Variants in RIMKLB observed in about 807,000 individuals in gnomAD.
RIMKLB encodes ribosomal modification protein rimK like family member B, also known as beta-citrylglutamate synthase B.
RIMKLB carries 7 observed loss-of-function variants against 32.0 expected under a neutral mutation model. That is an observed-to-expected ratio of 0.22 (90% CI 0.12 to 0.41). The LOEUF is 0.41. Ranked by LOEUF, RIMKLB falls within the 10% of genes least tolerant of loss-of-function variation. The probability of loss-of-function intolerance (pLI) is 1.00; values close to 1 mark genes in which losing one functional copy is unlikely to be tolerated. For synonymous variants in RIMKLB, 172 were observed against 185.1 expected (o/e 0.93, Z 0.57); for missense variants, 289 against 498.7 (o/e 0.58, Z 4.00).
At position 8,750,779 on chromosome 12, in the gene RIMKLB, A is replaced by G. The variant is rs142254494; in HGVS notation, c.406+687A>G. ...TAACAGTAGTGAACAAGTCCTATCC[A>G]GGCATAGGTTACAGGACCACATTCT... On this transcript the variant is annotated intron_variant, in intron 3 of 5. Transcript: ENST00000535829. 2.0e-3 allele frequency among the ~76,000 whole-genome samples: 298 copies of G among 152,324 alleles called. 1 individual carries two copies. The highest frequency in any genetic ancestry group is 6.9e-3 in the African/African-American group (286 of 41,570).
chr12:8,765,000 C>T (rs760769961), intron 5 of RIMKLB, among the ~76,000 whole-genome samples: 2 of 150,452 alleles, frequency 1.3e-5, no homozygotes, highest in Admixed American at 6.7e-5. Context: ...TATAAAAAAC[C>T]GAGATTGCCA....
At chr12:8,671,497 G>T in the RIMKLB span, among the ~76,000 whole-genome samples, 1 of 152,098 alleles carries the variant, frequency 6.6e-6, no homozygotes, top group Admixed American at 6.5e-5. Flanking sequence ...TGATCTGCCC[G>T]CCTCGGCCTT....
At chr12:8,690,531 G>A (rs1942702872) in intron 1 of RIMKLB, among the ~76,000 whole-genome samples, 1 of 152,190 alleles carries the variant, frequency 6.6e-6, no homozygotes, top group Admixed American at 6.5e-5. Flanking sequence ...CATGTACTTT[G>A]CTACTCGGAT....
At chr12:8,696,881 G>A (rs752106486), upstream of RIMKLB, among the ~76,000 whole-genome samples, 8 of 152,264 alleles carry the variant, frequency 5.3e-5, no homozygotes, top group South Asian at 1.5e-3. Context: ...GCACATTACC[G>A]TACCTCACAC....
chr12:8,739,765 A>G (rs1249690759), intron 2 of RIMKLB, among the ~76,000 whole-genome samples: 1 of 152,226 alleles, frequency 6.6e-6, no homozygotes, highest in South Asian at 2.1e-4. Context: ...GAGCCACCAC[A>G]CTTGGCTTCT....
Position 8,751,950 on chromosome 12 carries a change from A to C in RIMKLB, c.407-7A>C. On this transcript the variant is annotated splice_region_variant and splice_polypyrimidine_tract_variant and intron_variant, in intron 3 of 5. Transcript: ENST00000535829. ...TTTGTCTTAAATTTTTGTATTGCTC[A>C]AACCAGGTGGCCACGAAAATTTTGC... The C allele has an allele frequency of 6.2e-7, 1 of 1,603,594 alleles. No homozygotes were observed. Among genetic ancestry groups the C allele is most frequent in the Non-Finnish European group, 8.5e-7 (1 of 1,170,920 alleles).
chr12:8,726,974 C>A (rs761960389), intron 2 of RIMKLB, among the ~76,000 whole-genome samples: 1 of 152,178 alleles, frequency 6.6e-6, no homozygotes, highest in Non-Finnish European at 1.5e-5. Flanking sequence ...ATTTATGTAG[C>A]TTTTTAAAGT....
chr12:8,782,267 T>TTTATTTTGTA (rs760526197), intron 7 of RIMKLB, among the ~76,000 whole-genome samples: 6 of 152,150 alleles, frequency 3.9e-5, no homozygotes, highest in Non-Finnish European at 8.8e-5. Flanking sequence ...ATAATTTTGT[T>TTTATTTTGTA]TTATTTTGTA....
At chr12:8,744,993 C>G (rs1471671764) in intron 2 of RIMKLB, among the ~76,000 whole-genome samples, 1 of 151,922 alleles carries the variant, frequency 6.6e-6, no homozygotes, top group Non-Finnish European at 1.5e-5. Flanking sequence ...TATCCCTCCC[C>G]CAGCCCCTCA....
intron 1 of RIMKLB, among the ~76,000 whole-genome samples, chr12:8,692,071 T>G (rs1189148677): frequency 6.6e-6 from 1 of 152,182 alleles, no homozygotes; most frequent in Admixed American, 6.5e-5. Context: ...AATGTGCCTT[T>G]CCATATTTTC....
chr12:8,775,579 G>A lies in RIMKLB; in HGVS notation c.*1795G>A. 1 of 985,718 alleles carries A rather than the reference G, an allele frequency of 1.0e-6. No homozygotes were observed. The highest frequency in any genetic ancestry group is 1.2e-6 in the Non-Finnish European group (1 of 829,858). 61.1% of individuals were successfully genotyped at this position (985,718 alleles called of 1,614,324 possible). On this transcript the variant is annotated 3_prime_UTR_variant, in exon 6 of 6. Transcript: ENST00000535829. Reference sequence around the variant, plus strand: ...ACATAATTTCTTGGACACTACTAGAGAGACTTCGAGGCAATAATAAAAGAT... The same window carrying A: ...ACATAATTTCTTGGACACTACTAGAAAGACTTCGAGGCAATAATAAAAGAT...
At chr12:8,733,808 C>G (rs1161367346) in intron 2 of RIMKLB, among the ~76,000 whole-genome samples, 2 of 152,144 alleles carry the variant, frequency 1.3e-5, no homozygotes, top group African/African-American at 2.4e-5. Flanking sequence ...TGATTGAGCA[C>G]AGGAATTGGA....
At chr12:8,674,164 T>C in the RIMKLB span, among the ~76,000 whole-genome samples, 1 of 151,888 alleles carries the variant, frequency 6.6e-6, no homozygotes, top group Non-Finnish European at 1.5e-5. Context: ...AAGTGTCAGA[T>C]AGTCAACATT....
chr12:8,714,410 C>G (rs1944633852), intron 2 of RIMKLB, among the ~76,000 whole-genome samples: 1 of 152,004 alleles, frequency 6.6e-6, no homozygotes, highest in Non-Finnish European at 1.5e-5. Context: ...TTCTCAAGTT[C>G]CTTTCATTTT....
intron 5 of RIMKLB, among the ~76,000 whole-genome samples, chr12:8,766,277 G>T (rs1949952476): frequency 6.6e-6 from 1 of 152,110 alleles, no homozygotes; most frequent in Non-Finnish European, 1.5e-5. Context: ...TAGCAGTCCT[G>T]CACCTGTTTT....
chr12:8,710,965 C>CAAAAAAAAAAAA (rs748394546), intron 1 of RIMKLB, among the ~76,000 whole-genome samples: 2 of 65,766 alleles, frequency 3.0e-5, no homozygotes, highest in Non-Finnish European at 6.2e-5. Flanking sequence ...ACATCTTTAC[C>CAAAAAAAAAAAA]AAAAAAAAAA....
chr12:8,720,371 C>A (rs1228926712), intron 2 of RIMKLB, among the ~76,000 whole-genome samples: 2 of 152,056 alleles, frequency 1.3e-5, no homozygotes, highest in Non-Finnish European at 2.9e-5. Flanking sequence ...GCTTAGTGGT[C>A]AACTAATATT....
the RIMKLB span, among the ~76,000 whole-genome samples, chr12:8,674,229 T>C: frequency 6.6e-6 from 1 of 151,232 alleles, no homozygotes; most frequent in Admixed American, 6.6e-5. Context: ...ATTCTTTTTT[T>C]TTTTTTTTTC....
In RIMKLB at chr12:8,775,078, GC is replaced by G. The variant is rs1950653995; in HGVS notation, c.*1296del. 1.0e-6 allele frequency: 1 copy of G among 985,540 alleles called. No homozygotes were observed. The highest frequency in any genetic ancestry group is 4.7e-5 in the South Asian group (1 of 21,280). The allele number at this position is 985,540 out of a possible 1,614,324, so 61.0% of individuals were successfully genotyped here. A position where few individuals can be genotyped will look rare whatever the true frequency, so the allele number is the denominator to read the frequency against. ...ATAGGGTGAGTAGATGCTTTTTTAG[GC>G]CTTTTTGTGTATATGTACGTTGTTT... On this transcript the variant is annotated 3_prime_UTR_variant, in exon 6 of 6. Transcript: ENST00000535829.
Sources: gnomAD v4.1 joint callset for allele counts (sites outside exome capture counted in the v4.1 genomes callset) on GRCh38, gnomAD v4.1.1 for gene constraint, MANE v1.5 for transcripts, NCBI Gene and HGNC (gene_info 2026-07-23, HGNC 2026-07-21) for gene names.